Variants in DLGAP1 observed in about 807,000 individuals in gnomAD.
DLGAP1 encodes disks large-associated protein 1.
In DLGAP1, 11 loss-of-function variants were observed where a neutral mutation model predicts 90.8. The observed-to-expected ratio is 0.12, with a 90% CI of 0.08 to 0.20. The LOEUF (loss-of-function observed/expected upper bound fraction) is 0.20. Among genes scored for constraint, DLGAP1 ranks in the 10% least tolerant of loss-of-function variants. The pLI, the probability that DLGAP1 is intolerant of heterozygous loss-of-function variation, is 1.00. For synonymous variants in DLGAP1, 558 were observed against 540.7 expected, an observed-to-expected ratio of 1.03 and a Z score of -0.44; for missense variants, 1,050 against 1,333.8, an observed-to-expected ratio of 0.79 and a Z score of 3.31.
intron 1 of DLGAP1, among the ~76,000 whole-genome samples, chr18:4,192,900 A>G (rs982440908): frequency 6.6e-6 from 1 of 152,230 alleles, no homozygotes; most frequent in African/African-American, 2.4e-5. Flanking sequence ...AAAGACAGGA[A>G]TTACCTTCTC....
chr18:4,414,219 AAGAT>A (rs1276156344), intron 1 of DLGAP1, among the ~76,000 whole-genome samples: 2 of 152,256 alleles, frequency 1.3e-5, no homozygotes, highest in Non-Finnish European at 2.9e-5. Flanking sequence ...TCAGGAAAAT[AAGAT>A]AGAGAGAAAA....
At chr18:4,018,508 G>GT (rs1367120244) in intron 2 of DLGAP1, among the ~76,000 whole-genome samples, 1 of 152,252 alleles carries the variant, frequency 6.6e-6, no homozygotes, top group African/African-American at 2.4e-5. Context: ...CTCTGAAGGA[G>GT]TATCTGGGTC....
intron 3 of DLGAP1, among the ~76,000 whole-genome samples, chr18:3,944,680 A>G (rs2072841896): frequency 1.3e-5 from 2 of 152,252 alleles, no homozygotes; most frequent in South Asian, 4.1e-4. Flanking sequence ...TTACTGCTGT[A>G]ATCAGCATTG....
At chr18:4,296,235 C>G (rs138679352) in intron 1 of DLGAP1, among the ~76,000 whole-genome samples, 7 of 152,266 alleles carry the variant, frequency 4.6e-5, no homozygotes, top group South Asian at 2.1e-4. Flanking sequence ...GTAAACAGTA[C>G]ATTTTCTGAA....
chr18:3,618,496 G>A (rs966918340), intron 7 of DLGAP1, among the ~76,000 whole-genome samples: 2 of 151,482 alleles, frequency 1.3e-5, no homozygotes, highest in African/African-American at 2.4e-5. Flanking sequence ...TGTGAATTGT[G>A]CATCAAATAA....
At chr18:4,168,943 T>G (rs1246313758) in intron 1 of DLGAP1, among the ~76,000 whole-genome samples, 1 of 152,222 alleles carries the variant, frequency 6.6e-6, no homozygotes, top group Admixed American at 6.5e-5. Context: ...GTTTATCCAT[T>G]CATCCTCTTA....
intron 2 of DLGAP1, among the ~76,000 whole-genome samples, chr18:4,021,468 C>T (rs954442600): frequency 6.6e-6 from 1 of 151,878 alleles, no homozygotes; most frequent in African/African-American, 2.4e-5. Context: ...GTAAAGGCTC[C>T]CTGAGGTCTC....
At chr18:3,689,341 C>T (rs1285402807) in intron 7 of DLGAP1, among the ~76,000 whole-genome samples, 1 of 152,184 alleles carries the variant, frequency 6.6e-6, no homozygotes, top group Non-Finnish European at 1.5e-5. Flanking sequence ...CAAATAAACT[C>T]TCCTCTCTGT....
chr18:3,883,613 T>C (rs1435054611), intron 3 of DLGAP1, among the ~76,000 whole-genome samples: 2 of 152,248 alleles, frequency 1.3e-5, no homozygotes, highest in Non-Finnish European at 2.9e-5. Flanking sequence ...GAATATTTAC[T>C]CAATTACTTA....
intron 7 of DLGAP1, chr18:3,656,216 T>C: frequency 1.1e-6 from 1 of 930,238 alleles, no homozygotes; most frequent in Non-Finnish European, 1.6e-6. Flanking sequence ...TTTCTTTTTC[T>C]GCTGGCATTG....
chr18:4,023,957 G>GT (rs1163866098), intron 2 of DLGAP1, among the ~76,000 whole-genome samples: 2 of 152,052 alleles, frequency 1.3e-5, no homozygotes, highest in Non-Finnish European at 2.9e-5. Flanking sequence ...GAAAGTGTCT[G>GT]TTTTTTGTAA....
At chr18:3,837,501 T>C (rs545193501) in intron 4 of DLGAP1, among the ~76,000 whole-genome samples, 7 of 151,838 alleles carry the variant, frequency 4.6e-5, no homozygotes, top group Non-Finnish European at 7.4e-5. Flanking sequence ...TTTAAAAAGA[T>C]AGACATAATT....
intron 1 of DLGAP1, among the ~76,000 whole-genome samples, chr18:4,397,979 C>G (rs555114251): frequency 6.6e-6 from 1 of 152,202 alleles, no homozygotes; most frequent in South Asian, 2.1e-4. Context: ...TAATGACTTT[C>G]TAAGGCATAA....
At chr18:4,193,985 A>T (rs1219114570) in intron 1 of DLGAP1, among the ~76,000 whole-genome samples, 4 of 152,312 alleles carry the variant, frequency 2.6e-5, no homozygotes, top group African/African-American at 9.6e-5. Context: ...TTTTTCTATT[A>T]TAATTTCAAA....
chr18:3,875,620 GA>G (rs1384529029), intron 4 of DLGAP1, among the ~76,000 whole-genome samples: 1 of 152,108 alleles, frequency 6.6e-6, no homozygotes, highest in Non-Finnish European at 1.5e-5. Flanking sequence ...CCTAATTTAC[GA>G]AATCTTAGCT....
At chr18:3,508,398 T>C (rs1219732253) in intron 11 of DLGAP1, among the ~76,000 whole-genome samples, 172 bp downstream of exon 11, 1 of 152,248 alleles carries the variant, frequency 6.6e-6, no homozygotes, top group Non-Finnish European at 1.5e-5. Context: ...AATATTTTAA[T>C]TTTAAGACAA....
At chr18:3,624,861 A>C (rs1275592582) in intron 7 of DLGAP1, among the ~76,000 whole-genome samples, 1 of 152,144 alleles carries the variant, frequency 6.6e-6, no homozygotes, top group Admixed American at 6.6e-5. Flanking sequence ...ACTCCAAGAA[A>C]TAGACCACTA....
intron 4 of DLGAP1, among the ~76,000 whole-genome samples, chr18:3,826,790 A>G (rs956449653): frequency 3.3e-5 from 5 of 152,210 alleles, no homozygotes; most frequent in African/African-American, 1.2e-4. Context: ...CAGGTTGCTA[A>G]GTTGAGAATG....
At chr18:4,121,634 C>T (rs1292141387) in intron 2 of DLGAP1, among the ~76,000 whole-genome samples, 2 of 152,088 alleles carry the variant, frequency 1.3e-5, no homozygotes, top group African/African-American at 4.8e-5. Context: ...ATTTCCCATC[C>T]ACTGACCCCT....
Sources: gnomAD v4.1 joint callset for allele counts (sites outside exome capture counted in the v4.1 genomes callset) on GRCh38, gnomAD v4.1.1 for gene constraint, MANE v1.5 for transcripts, NCBI Gene and HGNC (gene_info 2026-07-23, HGNC 2026-07-21) for gene names.